The following CDH12 variants were observed in gnomAD, a reference collection of about 807,000 sequenced individuals.
The protein encoded by CDH12 is cadherin 12.
Under a neutral mutation model 74.1 loss-of-function variants are expected in CDH12, and 41 were observed. That is an observed-to-expected ratio of 0.55 (90% CI 0.43 to 0.72). CDH12 has a LOEUF of 0.72. Ranked by LOEUF, CDH12 falls within the 30% of genes least tolerant of loss-of-function variation. The probability of loss-of-function intolerance (pLI) is 0.00; values close to 1 mark genes in which losing one functional copy is unlikely to be tolerated. For synonymous variants in CDH12, 399 were observed against 355.0 expected (o/e 1.12, Z -1.39); for missense variants, 945 against 977.2 (o/e 0.97, Z 0.44).
chr5:22,484,692 T>C (rs1746516533), intron 2 of CDH12, among the ~76,000 whole-genome samples: 1 of 152,118 alleles, frequency 6.6e-6, no homozygotes. Flanking sequence ...ACAACAACAA[T>C]AAATAGGATG....
intron 1 of CDH12, among the ~76,000 whole-genome samples, chr5:22,670,503 C>T (rs1311169786): frequency 3.3e-5 from 5 of 151,986 alleles, no homozygotes. Flanking sequence ...CTATATATTT[C>T]TATATATTAT....
At position 21,958,470 on chromosome 5, in the gene CDH12, A is replaced by G. The variant is rs1477073245; in HGVS notation, c.526+16621T>C. Among the ~76,000 whole-genome samples the G allele has an allele frequency of 2.0e-5, 3 of 152,000 alleles. No homozygotes were observed. The South Asian group carries it at 6.2e-4, about 32-fold the overall frequency. On this transcript the variant is annotated intron_variant, in intron 6 of 14. Transcript: ENST00000382254. ...TAATCCATCTTGAGTTGATTTTTGT[A>G]TATTGTGTAAGGAAGGGGTCCAGTT... is the stretch of plus-strand genomic sequence containing the variant.
chr5:22,826,911 A>G (rs1183750712), intron 1 of CDH12, among the ~76,000 whole-genome samples: 1 of 152,220 alleles, frequency 6.6e-6, no homozygotes, highest in Non-Finnish European at 1.5e-5. Context: ...AGTAAAGAAA[A>G]TCCCATTTTC....
chr5:21,824,187 T>G (rs1748530588), intron 8 of CDH12, among the ~76,000 whole-genome samples: 1 of 152,126 alleles, frequency 6.6e-6, no homozygotes, highest in Non-Finnish European at 1.5e-5. Flanking sequence ...ATTAGCAGCC[T>G]TTCTCTGTCC....
At chr5:22,579,897 A>T (rs1206419817) in intron 1 of CDH12, among the ~76,000 whole-genome samples, 1 of 152,124 alleles carries the variant, frequency 6.6e-6, no homozygotes, top group Non-Finnish European at 1.5e-5. Flanking sequence ...TAAGCCCCTG[A>T]GCTCTTCGAA....
intron 1 of CDH12, among the ~76,000 whole-genome samples, chr5:22,776,671 G>T (rs1747120457): frequency 6.6e-6 from 1 of 152,142 alleles, no homozygotes; most frequent in Non-Finnish European, 1.5e-5. Flanking sequence ...TTTTAGAACT[G>T]TGATAAAGAC....
intron 6 of CDH12, among the ~76,000 whole-genome samples, chr5:21,898,594 C>T (rs186433034): frequency 1.3e-5 from 2 of 151,750 alleles, no homozygotes; most frequent in Admixed American, 1.3e-4. Flanking sequence ...CCCAGCTACT[C>T]GGGAGGCTGA....
intron 1 of CDH12, among the ~76,000 whole-genome samples, chr5:22,582,694 C>G (rs1740166402): frequency 6.6e-6 from 1 of 152,092 alleles, no homozygotes; most frequent in South Asian, 2.1e-4. Flanking sequence ...AATGTCATTT[C>G]TTTGTAAGTA....
At chr5:21,886,827 G>GT (rs1357489828) in intron 6 of CDH12, among the ~76,000 whole-genome samples, 1 of 151,686 alleles carries the variant, frequency 6.6e-6, no homozygotes, top group East Asian at 1.9e-4. Context: ...TTCAATATTT[G>GT]TTTTTCTGTT....
chr5:22,824,659 TAAAAG>T (rs1434176241), intron 1 of CDH12, among the ~76,000 whole-genome samples: 1 of 151,646 alleles, frequency 6.6e-6, no homozygotes, highest in African/African-American at 2.4e-5. Context: ...AAATCTATCT[TAAAAG>T]AAATAAATAA....
intron 1 of CDH12, among the ~76,000 whole-genome samples, chr5:22,620,520 G>A (rs1737917424): frequency 6.6e-6 from 1 of 150,972 alleles, no homozygotes; most frequent in African/African-American, 2.4e-5. Flanking sequence ...AATTGTTTGA[G>A]CAAAAATACC....
chr5:21,880,164 C>T (rs1230763972), intron 6 of CDH12, among the ~76,000 whole-genome samples: 1 of 152,188 alleles, frequency 6.6e-6, no homozygotes, highest in African/African-American at 2.4e-5. Flanking sequence ...AGAGGGTTCA[C>T]CGACTTGGAA....
chr5:22,270,559 C>T lies in CDH12; in HGVS notation c.-332-57916G>A, dbSNP rs1736346887. Among the ~76,000 whole-genome samples the T allele has an allele frequency of 2.0e-5, 3 of 148,908 alleles. No homozygotes were observed. The South Asian group carries it at 6.4e-4, about 32-fold the overall frequency. On this transcript the variant is annotated intron_variant, in intron 3 of 14. Coordinates refer to ENST00000382254, the MANE Select transcript of CDH12 (RefSeq NM_004061.5). Reference sequence around the variant, plus strand: ...GCAGTGAGCTGAGATGGCACTGTTGCACTTCTGCCTAGGCGGCAGGGTGAG... The same window carrying T: ...GCAGTGAGCTGAGATGGCACTGTTGTACTTCTGCCTAGGCGGCAGGGTGAG...
At chr5:22,745,814 C>T (rs751251352) in intron 1 of CDH12, among the ~76,000 whole-genome samples, 3 of 151,904 alleles carry the variant, frequency 2.0e-5, no homozygotes, top group East Asian at 1.9e-4. Flanking sequence ...CTAATGGGTA[C>T]GAGGCTTAAT....
Position 22,792,086 on chromosome 5 carries a change from C to CTT in CDH12, c.-523+60970_-523+60971dup, listed in dbSNP as rs757562010. ...GCAGAAAGGATATCATGAACTAGGG[C>CTT]TTTTTTTTTTTTTTTTTTGAGATGG... On this transcript the variant is annotated intron_variant, in intron 1 of 14. Coordinates refer to ENST00000382254, the MANE Select transcript of CDH12 (RefSeq NM_004061.5). 1.7e-3 allele frequency among the ~76,000 whole-genome samples: 210 copies of CTT among 125,382 alleles called. 3 individuals are homozygous for CTT. Among genetic ancestry groups the CTT allele is most frequent in the African/African-American group, 5.5e-3 (185 of 33,660 alleles). 82.3% of individuals were successfully genotyped at this position (125,382 alleles called of 152,430 possible).
intron 10 of CDH12, among the ~76,000 whole-genome samples, chr5:21,783,975 T>A (rs2149898752): frequency 6.6e-6 from 1 of 152,240 alleles, no homozygotes; most frequent in Non-Finnish European, 1.5e-5. Context: ...TAACTGACAA[T>A]TTGGTAATTA....
At chr5:22,237,637 T>C (rs771053903) in intron 3 of CDH12, among the ~76,000 whole-genome samples, 1 of 152,188 alleles carries the variant, frequency 6.6e-6, no homozygotes. Flanking sequence ...TTATAAGTTA[T>C]CCAGTTTATG....
rs142741791 is a variant in CDH12 at position 22,321,825 on chromosome 5, G to A, written c.-333+83432C>T. Among the ~76,000 whole-genome samples, 1,159 of 151,936 alleles carry A rather than the reference G, an allele frequency of 7.6e-3. 16 individuals carry two copies. Among genetic ancestry groups the A allele is most frequent in the African/African-American group, 0.026 (1,090 of 41,420 alleles). On this transcript the variant is annotated intron_variant, in intron 3 of 14. Coordinates refer to ENST00000382254, the MANE Select transcript of CDH12 (RefSeq NM_004061.5). ...CAACTCCAGAATAGCAAGCAGCAAC[G>A]TATTATTAAAGAAATTATTGGTTAA... is the stretch of plus-strand genomic sequence containing the variant.
Position 21,751,605 on chromosome 5 carries a change from C to T in CDH12, c.*132G>A, listed in dbSNP as rs1744053307. ...ACCAGGTAATCAAAGGAATCTTGTC[C>T]CAGAGTGTGTGTGTGTGTGTGTGTG... On this transcript the variant is annotated 3_prime_UTR_variant, in exon 15 of 15. Transcript: ENST00000382254. 3 of 226,802 alleles carry T rather than the reference C, an allele frequency of 1.3e-5. No homozygotes were observed. Among genetic ancestry groups the T allele is most frequent in the Admixed American group, 9.2e-5 (1 of 10,868 alleles). 14.0% of individuals were successfully genotyped at this position (226,802 alleles called of 1,614,324 possible).
Sources: gnomAD v4.1 joint callset for allele counts (sites outside exome capture counted in the v4.1 genomes callset) on GRCh38, gnomAD v4.1.1 for gene constraint, MANE v1.5 for transcripts, NCBI Gene and HGNC (gene_info 2026-07-23, HGNC 2026-07-21) for gene names.